SPIN1: variants seen among roughly 807,000 people sequenced by gnomAD.
SPIN1 encodes the protein spindlin 1, also known as spindlin-1.
A neutral mutation model predicts 26.0 loss-of-function variants in SPIN1; 3 were observed. The observed-to-expected ratio is 0.12, with a 90% CI of 0.05 to 0.30. SPIN1 has a LOEUF of 0.30. Ranked by LOEUF, SPIN1 falls within the 10% of genes least tolerant of loss-of-function variation. The probability of loss-of-function intolerance (pLI) is 1.00; values close to 1 mark genes in which losing one functional copy is unlikely to be tolerated. For synonymous variants in SPIN1, 101 were observed against 116.5 expected, an observed-to-expected ratio of 0.87 and a Z score of 0.86; for missense variants, 126 against 333.4, an observed-to-expected ratio of 0.38 and a Z score of 4.84.
At chr9:88,395,620 T>A (rs1457795203) in intron 1 of SPIN1, among the ~76,000 whole-genome samples, 2 of 152,110 alleles carry the variant, frequency 1.3e-5, no homozygotes, top group East Asian at 1.9e-4. Context: ...TAAAACTTTT[T>A]AATTTTTTGT....
intron 2 of SPIN1, among the ~76,000 whole-genome samples, chr9:88,430,034 T>C (rs2118039188): frequency 6.6e-6 from 1 of 152,350 alleles, no homozygotes; most frequent in Middle Eastern, 3.4e-3. Context: ...AAATAGAGTC[T>C]TAATCATTCT....
intron 2 of SPIN1, among the ~76,000 whole-genome samples, chr9:88,432,231 C>T (rs1366133007): frequency 8.6e-6 from 1 of 116,836 alleles, no homozygotes; most frequent in African/African-American, 3.3e-5. Flanking sequence ...TGCTCTGTTG[C>T]CCAGGCTAAG....
chr9:88,408,358 T>TGG (rs1827354903), intron 1 of SPIN1, among the ~76,000 whole-genome samples: 1 of 145,724 alleles, frequency 6.9e-6, no homozygotes, highest in African/African-American at 2.6e-5. Flanking sequence ...TTGTTTTGGT[T>TGG]TTTCTTTTCC....
At chr9:88,395,533 C>T (rs1371753761) in intron 1 of SPIN1, among the ~76,000 whole-genome samples, 3 of 152,018 alleles carry the variant, frequency 2.0e-5, no homozygotes, top group African/African-American at 7.2e-5. Flanking sequence ...TGTGCAGATA[C>T]AGCTTTAAGA....
chr9:88,467,842 C>CT (rs1055680396), intron 4 of SPIN1, among the ~76,000 whole-genome samples: 20 of 135,326 alleles, frequency 1.5e-4, no homozygotes, highest in Admixed American at 8.7e-4. Context: ...ACACCAATTT[C>CT]TTTAAAAAAA....
chr9:88,399,192 T>C (rs7867169), intron 1 of SPIN1, among the ~76,000 whole-genome samples: 49,329 of 151,966 alleles, frequency 0.32, 15,020 homozygotes, highest in African/African-American at 0.81. Flanking sequence ...CCACCATGCC[T>C]GGCTAGTTTT....
intron 2 of SPIN1, among the ~76,000 whole-genome samples, chr9:88,444,691 C>CTTTT (rs1226379698): frequency 8.1e-6 from 1 of 123,068 alleles, no homozygotes; most frequent in Non-Finnish European, 1.7e-5. Context: ...CTTTTCTTTT[C>CTTTT]TTTTTTTTTT....
At chr9:88,402,245 A>C (rs1827201944) in intron 1 of SPIN1, among the ~76,000 whole-genome samples, 1 of 152,118 alleles carries the variant, frequency 6.6e-6, no homozygotes, top group Non-Finnish European at 1.5e-5. Context: ...CGCCTGCCTC[A>C]GCCTCCCAAA....
At chr9:88,422,714 CT>C (rs111780596) in intron 1 of SPIN1, among the ~76,000 whole-genome samples, 28,114 of 144,380 alleles carry the variant, frequency 0.19, 3,381 homozygotes, top group African/African-American at 0.37. Flanking sequence ...ACTCTTTTTT[CT>C]TTTTTTTTTT....
chr9:88,392,339 A>G (rs1312162992), intron 1 of SPIN1, among the ~76,000 whole-genome samples: 1 of 152,202 alleles, frequency 6.6e-6, no homozygotes, highest in Non-Finnish European at 1.5e-5. Flanking sequence ...CTAAATATAT[A>G]AACACAGATG....
Position 88,431,802 on chromosome 9 carries a change from C to G in SPIN1, c.52+5211C>G, listed in dbSNP as rs10868780. ...AGTGGCTCATAAACTATAATCCCAG[C>G]GCTTTGGGAAGCTGAGGTAGGAGGA... is the stretch of plus-strand genomic sequence containing the variant. On this transcript the variant is annotated intron_variant, in intron 2 of 5. Transcript: ENST00000375859. Among the ~76,000 whole-genome samples the G allele has an allele frequency of 2.0e-5, 3 of 151,924 alleles. No homozygotes were observed. The East Asian group carries it at 5.8e-4, about 29-fold the overall frequency.
intron 2 of SPIN1, among the ~76,000 whole-genome samples, chr9:88,446,495 C>T (rs1008466505): frequency 1.3e-5 from 2 of 151,688 alleles, no homozygotes; most frequent in African/African-American, 4.8e-5. Flanking sequence ...CAACCTCCGC[C>T]TCCTGGGTTC....
intron 1 of SPIN1, among the ~76,000 whole-genome samples, chr9:88,390,906 A>G (rs529323404): frequency 2.0e-5 from 3 of 152,288 alleles, no homozygotes; most frequent in East Asian, 1.9e-4. Context: ...CTGTACACAC[A>G]TTTGTTACTG....
At chr9:88,410,542 C>A in intron 1 of SPIN1, 5 of 804,374 alleles carry the variant, frequency 6.2e-6, no homozygotes, top group Non-Finnish European at 1.1e-5. Flanking sequence ...AAATCTTCTG[C>A]TACTGCCATA....
At chr9:88,410,602 T>G in intron 1 of SPIN1, 2 of 927,000 alleles carry the variant, frequency 2.2e-6, no homozygotes, top group South Asian at 2.6e-5. Context: ...GTTTCATGGT[T>G]TGGCATAGTA....
At chr9:88,399,035 G>GT (rs879324006) in intron 1 of SPIN1, among the ~76,000 whole-genome samples, 4,213 of 141,736 alleles carry the variant, frequency 0.03, 131 homozygotes, top group African/African-American at 0.085. Flanking sequence ...GGCTTAAGCA[G>GT]TTTTTTTTTT....
At chr9:88,407,390 C>T (rs1447346597) in intron 1 of SPIN1, among the ~76,000 whole-genome samples, 1 of 151,954 alleles carries the variant, frequency 6.6e-6, no homozygotes, top group Non-Finnish European at 1.5e-5. Flanking sequence ...AGTGATCCAT[C>T]TGCTTGGCCT....
At chr9:88,401,433 C>T (rs1187789548) in intron 1 of SPIN1, among the ~76,000 whole-genome samples, 14 of 152,126 alleles carry the variant, frequency 9.2e-5, no homozygotes, top group South Asian at 4.1e-4. Flanking sequence ...CCTGCCTCCC[C>T]GCCTGCACCC....
At position 88,456,191 on chromosome 9, in the gene SPIN1, A is replaced by G. The variant is rs1311725473; in HGVS notation, c.102-6305A>G. Among the ~76,000 whole-genome samples, 3 of 152,216 alleles carry G rather than the reference A, an allele frequency of 2.0e-5. No homozygotes were observed. The South Asian group carries it at 6.2e-4, about 31-fold the overall frequency. On this transcript the variant is annotated intron_variant, in intron 3 of 5. Coordinates refer to ENST00000375859, the MANE Select transcript of SPIN1 (RefSeq NM_006717.3). ...GATATTGCCAAACTAATCACTAGAA[A>G]GGTTTTATTCATTTTATACACAGAT...
Sources: allele counts gnomAD v4.1 joint callset (sites outside exome capture counted in the v4.1 genomes callset), GRCh38; gene constraint gnomAD v4.1.1; transcripts MANE v1.5; gene names NCBI Gene and HGNC (gene_info 2026-07-23, HGNC 2026-07-21).